Variants in CAMSAP1 observed in about 807,000 individuals in gnomAD.
CAMSAP1 encodes calmodulin-regulated spectrin-associated protein 1.
A neutral mutation model predicts 143.5 loss-of-function variants in CAMSAP1; 58 were observed. That is an observed-to-expected ratio of 0.40 (90% CI 0.33 to 0.50). CAMSAP1 has a LOEUF of 0.50. Among genes scored for constraint, CAMSAP1 ranks in the 20% least tolerant of loss-of-function variants. CAMSAP1 has a pLI of 0.45. For synonymous variants in CAMSAP1, 945 were observed against 859.3 expected (o/e 1.10, Z -1.74); for missense variants, 1,969 against 2,115.7 (o/e 0.93, Z 1.36).
chr9:135,883,926 G>A (rs11103209), intron 1 of CAMSAP1, among the ~76,000 whole-genome samples: 6 of 152,198 alleles, frequency 3.9e-5, no homozygotes, highest in South Asian at 2.1e-4. Context: ...CACAAACAGC[G>A]CAGGAGCAGC....
chr9:135,819,534 A>G (rs1280761971), intron 11 of CAMSAP1, among the ~76,000 whole-genome samples: 1 of 152,078 alleles, frequency 6.6e-6, no homozygotes. Flanking sequence ...CCCTGTCTCT[A>G]TTAAAAATAC....
At chr9:135,827,699 C>A in intron 7 of CAMSAP1, 115 bp from the exon 8 acceptor site, 2 of 988,584 alleles carry the variant, frequency 2.0e-6, no homozygotes, top group Non-Finnish European at 2.7e-6. Flanking sequence ...CAAACTTCTG[C>A]CAAAAAAAAC....
chr9:135,841,180 T>A (rs1836334313), intron 7 of CAMSAP1, among the ~76,000 whole-genome samples: 1 of 152,124 alleles, frequency 6.6e-6, no homozygotes, highest in African/African-American at 2.4e-5. Context: ...CGTCCACCAT[T>A]ACTGAGGCTT....
At chr9:135,865,707 G>T (rs76904089) in intron 4 of CAMSAP1, among the ~76,000 whole-genome samples, 1 of 152,134 alleles carries the variant, frequency 6.6e-6, no homozygotes, top group Non-Finnish European at 1.5e-5. Context: ...ACCATCTGAG[G>T]AACAGGGAGG....
intron 5 of CAMSAP1, among the ~76,000 whole-genome samples, chr9:135,862,154 C>T (rs1837215916): frequency 6.6e-6 from 1 of 151,764 alleles, no homozygotes; most frequent in East Asian, 1.9e-4. Context: ...CTCTCCCTCT[C>T]CACCACCCCC....
chr9:135,853,339 C>T (rs971613797), intron 5 of CAMSAP1, among the ~76,000 whole-genome samples: 2 of 152,268 alleles, frequency 1.3e-5, no homozygotes. Context: ...GGTAGTTGAG[C>T]GAGTCAGGAC....
At chr9:135,880,899 T>C (rs1837925601) in intron 3 of CAMSAP1, among the ~76,000 whole-genome samples, 1 of 152,198 alleles carries the variant, frequency 6.6e-6, no homozygotes, top group Admixed American at 6.5e-5. Context: ...ATATATTGTA[T>C]TTAAAATTAC....
intron 1 of CAMSAP1, among the ~76,000 whole-genome samples, chr9:135,900,694 C>CA (rs1040302729): frequency 3.0e-4 from 45 of 150,850 alleles, no homozygotes; most frequent in African/African-American, 1.0e-3. Flanking sequence ...GATTCCGTCT[C>CA]AAAAAAAAGA....
At chr9:135,861,154 C>T (rs1163527002) in intron 5 of CAMSAP1, among the ~76,000 whole-genome samples, 3 of 152,190 alleles carry the variant, frequency 2.0e-5, no homozygotes, top group Admixed American at 6.5e-5. Context: ...CCCAAAAGGT[C>T]CCAGTCACAG....
At chr9:135,883,925 C>T (rs963238872) in intron 1 of CAMSAP1, among the ~76,000 whole-genome samples, 5 of 152,264 alleles carry the variant, frequency 3.3e-5, no homozygotes, top group East Asian at 1.9e-4. Context: ...ACACAAACAG[C>T]GCAGGAGCAG....
chr9:135,850,632 A>G (rs928088195), intron 5 of CAMSAP1, among the ~76,000 whole-genome samples, 171 bp from the exon 6 acceptor site: 1 of 152,230 alleles, frequency 6.6e-6, no homozygotes. Flanking sequence ...TATAAAAAGA[A>G]AACACTCAAG....
chr9:135,892,848 C>CAAAAAAAAAAAAAAAAA (rs59978082), intron 1 of CAMSAP1, among the ~76,000 whole-genome samples: 1,223 of 41,860 alleles, frequency 0.029, 182 homozygotes, highest in Non-Finnish European at 0.036. Context: ...AAGACTGTCT[C>CAAAAAAAAAAAAAAAAA]AAAAAAAAAA....
At chr9:135,864,322 T>C (rs13299821) in intron 4 of CAMSAP1, among the ~76,000 whole-genome samples, 31,955 of 152,160 alleles carry the variant, frequency 0.21, 3,639 homozygotes, top group Non-Finnish European at 0.25. Context: ...AGATCTATAT[T>C]GATTTAGAAT....
chr9:135,849,602 G>C (rs745967860), intron 7 of CAMSAP1, among the ~76,000 whole-genome samples: 1 of 151,914 alleles, frequency 6.6e-6, no homozygotes, highest in Non-Finnish European at 1.5e-5. Flanking sequence ...CACATACATT[G>C]CAAGTACCTT....
intron 3 of CAMSAP1, among the ~76,000 whole-genome samples, chr9:135,876,513 C>A (rs567618778): frequency 1.3e-5 from 2 of 152,332 alleles, no homozygotes; most frequent in Admixed American, 1.3e-4. Flanking sequence ...CACATCCACT[C>A]AAATGGCTAA....
At chr9:135,817,887 G>T in intron 14 of CAMSAP1, 90 bp downstream of exon 14, 1 of 952,078 alleles carries the variant, frequency 1.1e-6, no homozygotes, top group South Asian at 1.5e-5. Context: ...AGTTACAAAA[G>T]CCTCTCTCAC....
intron 1 of CAMSAP1, among the ~76,000 whole-genome samples, chr9:135,886,166 G>A (rs369667441): frequency 6.6e-5 from 10 of 151,812 alleles, no homozygotes; most frequent in African/African-American, 2.2e-4. Flanking sequence ...ACATTCATTC[G>A]ACAATTATTA....
In CAMSAP1 at chr9:135,892,929, G is replaced by GAGGCCA. The variant is rs1838333528; in HGVS notation, c.161-9857_161-9852dup. On this transcript the variant is annotated intron_variant, in intron 1 of 16. Transcript: ENST00000389532. ...CACATCTATAATCTCAACACTTTGAGAGGCCAAGGTAGGAGGATCATTTGA... is the reference window on the plus strand; with the variant it reads ...CACATCTATAATCTCAACACTTTGAGAGGCCAAGGCCAAGGTAGGAGGATCATTTGA... 2.7e-5 allele frequency among the ~76,000 whole-genome samples: 4 copies of GAGGCCA among 148,758 alleles called. No individual in the cohort carries two copies. In the South Asian group the frequency reaches 8.5e-4, roughly 32 times the overall value.
intron 8 of CAMSAP1, among the ~76,000 whole-genome samples, chr9:135,825,400 T>C (rs1835638237): frequency 6.6e-6 from 1 of 152,142 alleles, no homozygotes; most frequent in South Asian, 2.1e-4. Context: ...GGTAAAAATG[T>C]ACATTTTTAG....
Sources: allele counts gnomAD v4.1 joint callset (sites outside exome capture counted in the v4.1 genomes callset), GRCh38; gene constraint gnomAD v4.1.1; transcripts MANE v1.5; gene names NCBI Gene and HGNC (gene_info 2026-07-23, HGNC 2026-07-21).